TENM4: variants seen among roughly 807,000 people sequenced by gnomAD.
TENM4 encodes teneurin transmembrane protein 4.
TENM4 carries 82 observed loss-of-function variants against 243.3 expected under a neutral mutation model. That is an observed-to-expected ratio of 0.34 (90% CI 0.28 to 0.40). TENM4 has a LOEUF of 0.40. Ranked by LOEUF, TENM4 falls within the 10% of genes least tolerant of loss-of-function variation. TENM4 has a pLI of 1.00. For missense variants in TENM4, 3,138 were observed against 3,673.3 expected (o/e 0.85, Z 3.77); for synonymous variants, 1,412 against 1,456.3 (o/e 0.97, Z 0.69).
intron 6 of TENM4, among the ~76,000 whole-genome samples, chr11:78,972,888 G>A (rs1857575612): frequency 6.6e-6 from 1 of 152,096 alleles, no homozygotes; most frequent in African/African-American, 2.4e-5. Context: ...CTGTCTCTAT[G>A]GATTTGCCTA....
intron 32 of TENM4, among the ~76,000 whole-genome samples, chr11:78,664,085 CTG>C (rs1004008966): frequency 2.0e-5 from 3 of 152,172 alleles, no homozygotes; most frequent in Non-Finnish European, 2.9e-5. Context: ...AACTTACAAA[CTG>C]TGTGAACTCC....
chr11:78,993,155 A>G (rs1858086531), intron 6 of TENM4, among the ~76,000 whole-genome samples: 1 of 152,136 alleles, frequency 6.6e-6, no homozygotes, highest in Non-Finnish European at 1.5e-5. Flanking sequence ...AAAGCTCAAA[A>G]TCTTTCAAGG....
chr11:79,156,672 T>C (rs1038382878), intron 3 of TENM4, among the ~76,000 whole-genome samples: 2 of 152,198 alleles, frequency 1.3e-5, no homozygotes, highest in Non-Finnish European at 2.9e-5. Flanking sequence ...GCTGGTGCAA[T>C]TGTCCCCTTT....
intron 14 of TENM4, among the ~76,000 whole-genome samples, chr11:78,811,603 C>T (rs544946058): frequency 6.6e-6 from 1 of 151,832 alleles, no homozygotes; most frequent in Non-Finnish European, 1.5e-5. Context: ...CACACACACA[C>T]GAGTGTGATA....
intron 31 of TENM4, among the ~76,000 whole-genome samples, chr11:78,671,422 T>G (rs1858322613): frequency 6.6e-6 from 1 of 152,218 alleles, no homozygotes; most frequent in Admixed American, 6.5e-5. Context: ...AGCAGGGATC[T>G]GGATACTTGA....
intron 31 of TENM4, among the ~76,000 whole-genome samples, chr11:78,671,287 C>CTG (rs760621188): frequency 6.7e-6 from 1 of 148,434 alleles, no homozygotes; most frequent in African/African-American, 2.6e-5. Context: ...CCTCCAAGGT[C>CTG]TCTCTCTCTC....
rs1413827411 is a variant in TENM4, at chr11:79,071,466, GGGTGGGAGT to G, written c.-65-1466_-65-1458del. On this transcript the variant is annotated intron_variant, in intron 4 of 33. Coordinates refer to ENST00000278550, the MANE Select transcript of TENM4 (RefSeq NM_001098816.3). ...TGCCTGTGCTGCAAAGTGGGAGTGT[GGGTGGGAGT>G]GTCTGGGGGGTGGGGGTGTCTTGTG... Among the ~76,000 whole-genome samples the G allele has an allele frequency of 2.1e-4, 17 of 79,676 alleles. No homozygotes were observed. The East Asian group carries it at 5.5e-3, about 26-fold the overall frequency. The allele number at this position is 79,676 out of a possible 152,430, so 52.3% of individuals were successfully genotyped here.
intron 1 of TENM4, among the ~76,000 whole-genome samples, chr11:79,387,400 A>G (rs1258404018): frequency 2.6e-5 from 4 of 152,238 alleles, no homozygotes; most frequent in African/African-American, 7.2e-5. Context: ...TATTATGTCC[A>G]TAAAAAGTTT....
At chr11:78,727,066 T>C (rs901024825) in intron 22 of TENM4, among the ~76,000 whole-genome samples, 9 of 152,134 alleles carry the variant, frequency 5.9e-5, no homozygotes, top group Admixed American at 1.3e-4. Flanking sequence ...CCACTGGAAA[T>C]CACAGTGAAG....
At chr11:78,938,806 G>T (rs952902836) in intron 6 of TENM4, among the ~76,000 whole-genome samples, 11 of 152,124 alleles carry the variant, frequency 7.2e-5, no homozygotes, top group African/African-American at 2.2e-4. Context: ...TTATGGTGAG[G>T]GGTTTGGGGA....
intron 6 of TENM4, among the ~76,000 whole-genome samples, chr11:79,059,410 C>T (rs927728554): frequency 1.3e-5 from 2 of 152,120 alleles, no homozygotes; most frequent in Non-Finnish European, 2.9e-5. Context: ...GCCTCTGCAC[C>T]CTCAGGGCAA....
intron 1 of TENM4, among the ~76,000 whole-genome samples, chr11:79,376,879 C>T (rs749429025): frequency 6.6e-5 from 10 of 152,132 alleles, no homozygotes; most frequent in Admixed American, 2.6e-4. Flanking sequence ...CTGGTGTGGT[C>T]GGCTGAATAA....
chr11:79,326,746 G>A (rs1382735698), intron 1 of TENM4, among the ~76,000 whole-genome samples: 3 of 152,084 alleles, frequency 2.0e-5, no homozygotes, highest in Admixed American at 2.0e-4. Context: ...GAGTCTCTTT[G>A]TCCCGTTCCC....
intron 25 of TENM4, among the ~76,000 whole-genome samples, chr11:78,718,835 T>C (rs557094442): frequency 6.6e-6 from 1 of 152,356 alleles, no homozygotes; most frequent in African/African-American, 2.4e-5. Flanking sequence ...TTTTCTTATT[T>C]ACACTGGCTG....
chr11:78,802,791 C>T (rs1290885727), intron 15 of TENM4, among the ~76,000 whole-genome samples: 2 of 152,226 alleles, frequency 1.3e-5, no homozygotes, highest in Non-Finnish European at 2.9e-5. Context: ...TTCACTATTA[C>T]AATACTTTTA....
At chr11:79,016,610 T>G (rs182992999) in intron 6 of TENM4, among the ~76,000 whole-genome samples, 1 of 152,328 alleles carries the variant, frequency 6.6e-6, no homozygotes, top group East Asian at 1.9e-4. Context: ...GGTTGATATT[T>G]AAAGCATGGA....
At chr11:78,835,098 T>C (rs140281968) in intron 12 of TENM4, among the ~76,000 whole-genome samples, 154 of 152,300 alleles carry the variant, frequency 1.0e-3, no homozygotes, top group African/African-American at 3.2e-3. Flanking sequence ...ACTCTTATTA[T>C]AGTGGGACTC....
chr11:79,262,692 G>A (rs1855818967), intron 2 of TENM4, among the ~76,000 whole-genome samples: 1 of 152,204 alleles, frequency 6.6e-6, no homozygotes, highest in Admixed American at 6.5e-5. Flanking sequence ...AAGCAGCTTG[G>A]TGTATTAGGT....
chr11:79,113,735 C>G (rs1321192666), intron 4 of TENM4, among the ~76,000 whole-genome samples: 1 of 152,176 alleles, frequency 6.6e-6, no homozygotes, highest in East Asian at 1.9e-4. Context: ...CCTGCCATGC[C>G]TGCTCTGTCT....
Sources: allele counts gnomAD v4.1 joint callset (sites outside exome capture counted in the v4.1 genomes callset), GRCh38; gene constraint gnomAD v4.1.1; transcripts MANE v1.5; gene names NCBI Gene and HGNC (gene_info 2026-07-23, HGNC 2026-07-21).